Variants in CFAP20DC observed in about 807,000 individuals in gnomAD.
CFAP20DC encodes CFAP20 domain containing.
CFAP20DC carries 84 observed loss-of-function variants against 101.7 expected under a neutral mutation model. The observed-to-expected ratio is 0.83, with a 90% CI of 0.69 to 0.99. The LOEUF (loss-of-function observed/expected upper bound fraction) is 0.99, where lower values mean the gene tolerates loss of function less well. Ranked by LOEUF, CFAP20DC falls within the 50% of genes least tolerant of loss-of-function variation. The pLI is 0.00. For missense variants in CFAP20DC, 1,007 were observed against 970.3 expected, an observed-to-expected ratio of 1.04 and a Z score of -0.50; for synonymous variants, 359 against 351.2, an observed-to-expected ratio of 1.02 and a Z score of -0.25.
At chr3:58,929,960 C>T (rs750339577) in intron 5 of CFAP20DC, among the ~76,000 whole-genome samples, 26 of 152,240 alleles carry the variant, frequency 1.7e-4, no homozygotes, top group Middle Eastern at 3.4e-3. Flanking sequence ...GTCTGCACAC[C>T]ACACAGCTAC....
Position 58,869,493 on chromosome 3 carries a change from G to A in CFAP20DC, c.853-3C>T, listed in dbSNP as rs780366848. On this transcript the variant is annotated splice_polypyrimidine_tract_variant and splice_region_variant and intron_variant, in intron 8 of 16. Transcript: ENST00000482387. The surrounding 1 kb of genome is among the most constrained non-coding windows in gnomAD (Gnocchi z 4.3). ...TTGGACCCAACGGATCTCACTGTCT[G>A]TAAAGGAATTAATCTGTACATTTTA... 1 of 1,600,564 alleles carries A rather than the reference G, an allele frequency of 6.2e-7. No individual in the cohort carries two copies. Among genetic ancestry groups the A allele is most frequent in the Non-Finnish European group, 8.5e-7 (1 of 1,173,992 alleles).
At chr3:58,758,857 G>C (rs1211542091) in intron 15 of CFAP20DC, among the ~76,000 whole-genome samples, 1 of 152,040 alleles carries the variant, frequency 6.6e-6, no homozygotes, top group Non-Finnish European at 1.5e-5. Context: ...TCCCTACAAA[G>C]GACAAGAACT....
At chr3:58,900,083 A>G (rs903961052) in intron 6 of CFAP20DC, among the ~76,000 whole-genome samples, 2 of 152,216 alleles carry the variant, frequency 1.3e-5, no homozygotes, top group Non-Finnish European at 2.9e-5. Flanking sequence ...GTCATAAAAG[A>G]TAAGTAGAAA....
At chr3:58,770,797 T>A (rs1455617578) in intron 15 of CFAP20DC, among the ~76,000 whole-genome samples, 1 of 152,114 alleles carries the variant, frequency 6.6e-6, no homozygotes, top group Non-Finnish European at 1.5e-5. Flanking sequence ...ACAGTGGCAG[T>A]GGTGGGAGAC....
At chr3:59,030,272 T>A (rs1341440588) in intron 4 of CFAP20DC, among the ~76,000 whole-genome samples, 5 of 152,130 alleles carry the variant, frequency 3.3e-5, no homozygotes, top group African/African-American at 4.8e-5. Flanking sequence ...CCCTTTCATT[T>A]AAGGGGGAAA....
intron 4 of CFAP20DC, among the ~76,000 whole-genome samples, chr3:59,013,760 C>T (rs910952759): frequency 6.6e-6 from 1 of 152,072 alleles, no homozygotes; most frequent in Non-Finnish European, 1.5e-5. Context: ...TAACAAAATT[C>T]ACAGAACTAA....
intron 7 of CFAP20DC, among the ~76,000 whole-genome samples, chr3:58,881,243 G>A (rs373280848): frequency 6.6e-6 from 1 of 152,118 alleles, no homozygotes; most frequent in South Asian, 2.1e-4. Context: ...GGCTGCTGTG[G>A]ACAGGAGGGC....
At chr3:58,744,340 C>A (rs910856104) in intron 16 of CFAP20DC, among the ~76,000 whole-genome samples, 1 of 152,114 alleles carries the variant, frequency 6.6e-6, no homozygotes, top group Non-Finnish European at 1.5e-5. Context: ...GTTCTTTCTA[C>A]CAGTCAGAGT....
At chr3:58,746,302 G>A (rs1270797462) in intron 16 of CFAP20DC, among the ~76,000 whole-genome samples, 6 of 152,112 alleles carry the variant, frequency 3.9e-5, no homozygotes, top group Non-Finnish European at 8.8e-5. Flanking sequence ...AACTCTCAGG[G>A]ACCTGCCATT....
chr3:58,952,070 G>C (rs769355299), intron 4 of CFAP20DC, among the ~76,000 whole-genome samples: 25 of 152,096 alleles, frequency 1.6e-4, no homozygotes, highest in Non-Finnish European at 3.2e-4. Flanking sequence ...TTAGGGGGTA[G>C]GGTAGGGATG....
intron 4 of CFAP20DC, among the ~76,000 whole-genome samples, chr3:58,977,436 C>T (rs1174006765): frequency 6.6e-6 from 1 of 152,158 alleles, no homozygotes; most frequent in Non-Finnish European, 1.5e-5. Flanking sequence ...AAATATTTTT[C>T]ATGAGCAACC....
chr3:59,046,405 G>T (rs937165854), intron 2 of CFAP20DC, 83 bp from the exon 3 acceptor site: 2 of 853,932 alleles, frequency 2.3e-6, no homozygotes, highest in Admixed American at 3.1e-5. Flanking sequence ...AGATCTACAG[G>T]GAAAAAAAAA....
rs540474154 is a variant in CFAP20DC, at chr3:59,036,198, A to C, written c.278+3359T>G. Among the ~76,000 whole-genome samples, 16 of 152,348 alleles carry C rather than the reference A, an allele frequency of 1.1e-4. 2 individuals are homozygous for C. In the South Asian group the frequency reaches 1.7e-3, roughly 16 times the overall value. On this transcript the variant is annotated intron_variant, in intron 4 of 16. Coordinates refer to ENST00000482387, the MANE Select transcript of CFAP20DC (RefSeq NM_001394063.1). ...CAAACCCATAGCCAATATCATACTGAATGGTCAAAAGCTGGAAGCATTCCC... is the reference window on the plus strand; with the variant it reads ...CAAACCCATAGCCAATATCATACTGCATGGTCAAAAGCTGGAAGCATTCCC...
At chr3:58,766,698 G>A (rs1559561107) in intron 15 of CFAP20DC, among the ~76,000 whole-genome samples, 1 of 152,144 alleles carries the variant, frequency 6.6e-6, no homozygotes, top group Non-Finnish European at 1.5e-5. Flanking sequence ...ACCTCATGTG[G>A]TACAATGTTC....
At chr3:59,018,099 C>T (rs922643545) in intron 4 of CFAP20DC, 3 of 152,068 alleles carry the variant, frequency 2.0e-5, no homozygotes, top group African/African-American at 4.8e-5. Context: ...ATCCATTTTA[C>T]TAGACACACA....
intron 14 of CFAP20DC, among the ~76,000 whole-genome samples, chr3:58,811,170 C>G (rs1052303400): frequency 6.6e-6 from 1 of 152,052 alleles, no homozygotes; most frequent in Admixed American, 6.6e-5. Context: ...CATCAAGCTA[C>G]CAATGACTTT....
chr3:58,802,675 G>A (rs1000061707), intron 15 of CFAP20DC, among the ~76,000 whole-genome samples: 4 of 152,156 alleles, frequency 2.6e-5, no homozygotes, highest in Admixed American at 2.0e-4. Context: ...AATGATTACT[G>A]TTGCATCCCA....
chr3:58,982,755 C>T (rs1205482674), intron 4 of CFAP20DC, among the ~76,000 whole-genome samples: 4 of 149,510 alleles, frequency 2.7e-5, no homozygotes, highest in Admixed American at 6.7e-5. Context: ...ATACCTAATG[C>T]TAAATGACGA....
intron 5 of CFAP20DC, among the ~76,000 whole-genome samples, chr3:58,931,103 C>A (rs150346740): frequency 2.6e-5 from 4 of 152,040 alleles, no homozygotes; most frequent in African/African-American, 9.7e-5. Flanking sequence ...TAAAAAACGG[C>A]GCACCAGGAG....
Sources: gnomAD v4.1 joint callset for allele counts (sites outside exome capture counted in the v4.1 genomes callset) on GRCh38, gnomAD v4.1.1 for gene constraint, Gnocchi (gnomAD v3.1) non-coding constraint, MANE v1.5 for transcripts, NCBI Gene and HGNC (gene_info 2026-07-23, HGNC 2026-07-21) for gene names.